KCNQ1: variants seen among roughly 807,000 people sequenced by gnomAD.
The protein encoded by KCNQ1 is potassium voltage-gated channel subfamily Q member 1.
KCNQ1 carries 49 observed loss-of-function variants against 72.4 expected under a neutral mutation model. That is an observed-to-expected ratio of 0.68 (90% CI 0.54 to 0.86). The LOEUF (loss-of-function observed/expected upper bound fraction) is 0.86, where lower values mean the gene tolerates loss of function less well. KCNQ1 is among the 40% of genes least tolerant of loss of function. The pLI is 0.00. For missense variants in KCNQ1, 790 were observed against 945.1 expected (o/e 0.84, Z 2.15); for synonymous variants, 450 against 412.6 (o/e 1.09, Z -1.10).
chr11:2,694,573 T>C (rs561334872), intron 11 of KCNQ1: 1 of 398,568 alleles, frequency 2.5e-6, no homozygotes, highest in Non-Finnish European at 4.4e-6. Flanking sequence ...GTTGTGAAAA[T>C]GGAGGCACAC....
At position 2,560,919 on chromosome 11, in the gene KCNQ1, C is replaced by T. The variant is rs139070722; in HGVS notation, c.478-9709C>T. On this transcript the variant is annotated intron_variant, in intron 2 of 15. Transcript: ENST00000155840. ...GAGAGTGAGGCTGCGCGGTGCCCTG[C>T]AGGACAGATAGGAACTCCCAGGCCT... 1.9e-3 allele frequency among the ~76,000 whole-genome samples: 288 copies of T among 152,204 alleles called. 3 individuals are homozygous for T. The highest frequency in any genetic ancestry group is 6.2e-3 in the African/African-American group (258 of 41,498).
In KCNQ1 at chr11:2,691,608, G is replaced by C. The variant is rs577131714; in HGVS notation, c.1514+29527G>C. 2.5e-6 allele frequency: 1 copy of C among 398,578 alleles called. No homozygotes were observed. The highest frequency in any genetic ancestry group is 1.3e-4 in the South Asian group (1 of 7,860). The allele number at this position is 398,578 out of a possible 1,614,324, so 24.7% of individuals were successfully genotyped here. ...CTCCCTGAGGGAGTCAACCTAGCTT[G>C]TTCCCTGCACGTACTGTGGGGAGGT... On this transcript the variant is annotated intron_variant, in intron 11 of 15. Transcript: ENST00000155840. The surrounding 1 kb of genome is among the most constrained non-coding windows in gnomAD (Gnocchi z 6.4).
At chr11:2,822,039 C>T (rs1258782824) in intron 15 of KCNQ1, among the ~76,000 whole-genome samples, 1 of 152,168 alleles carries the variant, frequency 6.6e-6, no homozygotes, top group African/African-American at 2.4e-5. Flanking sequence ...GCAGGAGGGT[C>T]AGTCAGCGGA....
rs973229911 is a variant in KCNQ1, at chr11:2,703,417, C to T, written c.1514+41336C>T. ...CTGTACATGGTAGGGGCTGAGCTAGCGTTCCTTGCACTCCCTCCAGCTTTA... is the reference window on the plus strand; with the variant it reads ...CTGTACATGGTAGGGGCTGAGCTAGTGTTCCTTGCACTCCCTCCAGCTTTA... On this transcript the variant is annotated intron_variant, in intron 11 of 15. Transcript: ENST00000155840. This position sits in a 1 kb window ranked among gnomAD's most constrained non-coding sequence, Gnocchi z 6.4. 5.3e-5 allele frequency among the ~76,000 whole-genome samples: 8 copies of T among 152,280 alleles called. No homozygotes were observed. The highest frequency in any genetic ancestry group is 4.1e-4 in the South Asian group (2 of 4,822).
At chr11:2,545,429 T>A (rs1422973074) in intron 2 of KCNQ1, among the ~76,000 whole-genome samples, 2 of 152,204 alleles carry the variant, frequency 1.3e-5, no homozygotes, top group Non-Finnish European at 2.9e-5. Context: ...GAGAAGATTG[T>A]TAACTAGATT....
Position 2,817,567 on chromosome 11 carries a change from C to T in KCNQ1, c.1795-30200C>T, listed in dbSNP as rs969750693. On this transcript the variant is annotated intron_variant, in intron 15 of 15. Coordinates refer to ENST00000155840, the MANE Select transcript of KCNQ1 (RefSeq NM_000218.3). This position sits in a 1 kb window ranked among gnomAD's most constrained non-coding sequence, Gnocchi z 6.1. ...TGGTTCATGGTACCTGAGATGACGG[C>T]TTCAGATGATGTCCCTGGCCAGGGA... is the stretch of plus-strand genomic sequence containing the variant. Among the ~76,000 whole-genome samples the T allele has an allele frequency of 6.6e-6, 1 of 152,098 alleles. No homozygotes were observed. Among genetic ancestry groups the T allele is most frequent in the African/African-American group, 2.4e-5 (1 of 41,406 alleles).
intron 15 of KCNQ1, among the ~76,000 whole-genome samples, chr11:2,787,000 G>A (rs1181083751): frequency 7.1e-6 from 1 of 141,388 alleles, no homozygotes; most frequent in African/African-American, 2.6e-5. Context: ...ATTTATCTGT[G>A]GGAATTTTTG....
At chr11:2,622,590 T>C in intron 10 of KCNQ1, 1 of 398,552 alleles carries the variant, frequency 2.5e-6, no homozygotes, top group Non-Finnish European at 4.4e-6. Flanking sequence ...TGCCTTTTCT[T>C]TTGCCTTACA....
At chr11:2,586,090 C>T (rs1032056275) in intron 8 of KCNQ1, among the ~76,000 whole-genome samples, 11 of 152,210 alleles carry the variant, frequency 7.2e-5, no homozygotes, top group South Asian at 2.1e-4. Context: ...AGAGGGTGGG[C>T]GTTGCCGGGT....
rs183271241 is a variant in KCNQ1, at chr11:2,624,350, T to C, written c.1393+35496T>C. The C allele has an allele frequency of 1.1e-4, 44 of 398,510 alleles. No individual in the cohort carries two copies. The highest frequency in any genetic ancestry group is 9.0e-4 in the African/African-American group (44 of 48,740). 24.7% of individuals were successfully genotyped at this position (398,510 alleles called of 1,614,324 possible). On this transcript the variant is annotated intron_variant, in intron 10 of 15. Transcript: ENST00000155840. The surrounding 1 kb of genome is among the most constrained non-coding windows in gnomAD (Gnocchi z 4.9). ...TCAGGTATATCTTTTACAAGTATTGTCTCCCTTCTGTGGCCTGTCCTTTCA... is the reference window on the plus strand; with the variant it reads ...TCAGGTATATCTTTTACAAGTATTGCCTCCCTTCTGTGGCCTGTCCTTTCA...
chr11:2,485,963 C>T (rs184799210), intron 1 of KCNQ1, among the ~76,000 whole-genome samples: 7 of 152,266 alleles, frequency 4.6e-5, no homozygotes, highest in Admixed American at 4.6e-4. Flanking sequence ...TTTGGGTTGC[C>T]TCCATGTTTT....
At position 2,746,636 on chromosome 11, in the gene KCNQ1, C is replaced by T. The variant is rs1229902321; in HGVS notation, c.1515-22208C>T. On this transcript the variant is annotated intron_variant, in intron 11 of 15. Coordinates refer to ENST00000155840, the MANE Select transcript of KCNQ1 (RefSeq NM_000218.3). This position sits in a 1 kb window ranked among gnomAD's most constrained non-coding sequence, Gnocchi z 5.9. The stretch of plus-strand genomic sequence containing the variant: ...GGGCTGTGGGTGTGAGGAGGGAGAG[C>T]ACAGAGGGAAATGCCCTTCTCATCG... 1.3e-5 allele frequency among the ~76,000 whole-genome samples: 2 copies of T among 152,218 alleles called. No individual in the cohort carries two copies.
intron 11 of KCNQ1, chr11:2,699,689 G>A (rs1337651125): frequency 2.2e-5 from 5 of 222,844 alleles, no homozygotes; most frequent in Admixed American, 1.2e-4. Context: ...GAAAAGCCCC[G>A]GGTGCCCCGA....
chr11:2,666,398 A>G (rs984086759), intron 11 of KCNQ1: 2 of 398,670 alleles, frequency 5.0e-6, no homozygotes, highest in Non-Finnish European at 8.8e-6. Context: ...CAAATCCTTG[A>G]GCAAAAACAG....
At chr11:2,640,882 G>A in intron 10 of KCNQ1, 1 of 399,434 alleles carries the variant, frequency 2.5e-6, no homozygotes, top group Non-Finnish European at 4.4e-6. Flanking sequence ...CTACCTCCAT[G>A]AGATCAACTT....
intron 2 of KCNQ1, among the ~76,000 whole-genome samples, chr11:2,542,935 G>C (rs976475267): frequency 9.9e-5 from 15 of 152,100 alleles, no homozygotes; most frequent in Admixed American, 7.2e-4. Flanking sequence ...ATAATGTGGT[G>C]AGTGTATATT....
chr11:2,807,267 C>T (rs1847394927), intron 15 of KCNQ1, among the ~76,000 whole-genome samples: 2 of 152,216 alleles, frequency 1.3e-5, no homozygotes, highest in African/African-American at 4.8e-5. Flanking sequence ...TCTGAAAGGC[C>T]TCCTATTCTG....
At position 2,668,226 on chromosome 11, in the gene KCNQ1, T is replaced by C. The variant is rs889002800; in HGVS notation, c.1514+6145T>C. Reference sequence around the variant, plus strand: ...CATCATTCATCCATTCTACCACCTGTGGCCAGCAGGCAGTTTCTGGTGTAG... The same window carrying C: ...CATCATTCATCCATTCTACCACCTGCGGCCAGCAGGCAGTTTCTGGTGTAG... On this transcript the variant is annotated intron_variant, in intron 11 of 15. Coordinates refer to ENST00000155840, the MANE Select transcript of KCNQ1 (RefSeq NM_000218.3). This position sits in a 1 kb window ranked among gnomAD's most constrained non-coding sequence, Gnocchi z 4.3. The C allele has an allele frequency of 7.5e-6, 3 of 398,662 alleles. No homozygotes were observed. Among genetic ancestry groups the C allele is most frequent in the Non-Finnish European group, 1.3e-5 (3 of 226,080 alleles). The allele number at this position is 398,662 out of a possible 1,614,324, so 24.7% of individuals were successfully genotyped here.
At chr11:2,760,080 C>T (rs1846365363) in intron 11 of KCNQ1, among the ~76,000 whole-genome samples, 1 of 152,218 alleles carries the variant, frequency 6.6e-6, no homozygotes, top group East Asian at 1.9e-4. Flanking sequence ...CCCCCAGTGA[C>T]GTGTGTTGAA....
Sources: allele counts gnomAD v4.1 joint callset (sites outside exome capture counted in the v4.1 genomes callset), GRCh38; gene constraint gnomAD v4.1.1; non-coding constraint Gnocchi (gnomAD v3.1); transcripts MANE v1.5; gene names NCBI Gene and HGNC (gene_info 2026-07-23, HGNC 2026-07-21).